The following ASH1L variants were observed in gnomAD, a reference collection of about 807,000 sequenced individuals.
The protein encoded by ASH1L is histone-lysine N-methyltransferase ASH1L.
Under a neutral mutation model 269.0 loss-of-function variants are expected in ASH1L, and 23 were observed. That is an observed-to-expected ratio of 0.09 (90% confidence interval 0.06 to 0.12). The LOEUF is 0.12. Ranked by LOEUF, ASH1L falls within the 10% of genes least tolerant of loss-of-function variation. ASH1L has a pLI of 1.00. For synonymous variants in ASH1L, 1,187 were observed against 1,253.5 expected (o/e 0.95, Z 1.12); for missense variants, 2,912 against 3,567.8 (o/e 0.82, Z 4.68).
chr1:155,508,775 G>A (rs907435180), intron 2 of ASH1L, among the ~76,000 whole-genome samples: 6 of 152,092 alleles, frequency 3.9e-5, no homozygotes, highest in African/African-American at 1.2e-4. Flanking sequence ...CATAAAATAC[G>A]TTTCTTACAC....
intron 3 of ASH1L, among the ~76,000 whole-genome samples, chr1:155,465,947 C>G (rs1047898224): frequency 6.6e-6 from 1 of 152,168 alleles, no homozygotes; most frequent in Non-Finnish European, 1.5e-5. Flanking sequence ...ACAATAAAAA[C>G]AGCTGTTTTC....
At chr1:155,498,830 G>A (rs967775709) in intron 2 of ASH1L, among the ~76,000 whole-genome samples, 1 of 151,170 alleles carries the variant, frequency 6.6e-6, no homozygotes, top group South Asian at 2.1e-4. Context: ...CAGCCACTGC[G>A]CCTGGCCCAG....
intron 4 of ASH1L, chr1:155,440,569 T>C: frequency 1.1e-6 from 1 of 947,246 alleles, no homozygotes; most frequent in Non-Finnish European, 1.3e-6. Flanking sequence ...GACTTCTAAA[T>C]ATTCATACCA....
chr1:155,436,281 T>G (rs1662085120), intron 5 of ASH1L, among the ~76,000 whole-genome samples: 1 of 151,160 alleles, frequency 6.6e-6, no homozygotes, highest in South Asian at 2.1e-4. Flanking sequence ...CCTCTCCACC[T>G]CCCGTGTTCA....
At chr1:155,536,108 A>G (rs1194592051) in intron 1 of ASH1L, among the ~76,000 whole-genome samples, 1 of 152,220 alleles carries the variant, frequency 6.6e-6, no homozygotes, top group Non-Finnish European at 1.5e-5. Context: ...TTCTTAGGAT[A>G]TATCAAACTA....
intron 5 of ASH1L, among the ~76,000 whole-genome samples, chr1:155,418,419 TGAA>T (rs946327873): frequency 6.6e-6 from 1 of 152,044 alleles, no homozygotes; most frequent in Non-Finnish European, 1.5e-5. Flanking sequence ...TCAGTGAACT[TGAA>T]GACAGCAATA....
intron 10 of ASH1L, among the ~76,000 whole-genome samples, chr1:155,371,778 C>CCG (rs911330782): frequency 4.0e-5 from 6 of 150,858 alleles, no homozygotes; most frequent in African/African-American, 1.5e-4. Flanking sequence ...ACTGCAAACT[C>CCG]CGCTTCCCAG....
chr1:155,540,493 G>C (rs1269904549), intron 1 of ASH1L, among the ~76,000 whole-genome samples: 1 of 152,088 alleles, frequency 6.6e-6, no homozygotes, highest in Non-Finnish European at 1.5e-5. Context: ...CACTCAGCTG[G>C]GTGCAGTTAC....
chr1:155,545,280 A>G (rs532536076), intron 1 of ASH1L, among the ~76,000 whole-genome samples: 16 of 147,400 alleles, frequency 1.1e-4, no homozygotes, highest in African/African-American at 3.9e-4. Flanking sequence ...GTAAATGGGC[A>G]CTAGTGGCCA....
At chr1:155,528,186 C>T (rs1669407237) in intron 1 of ASH1L, among the ~76,000 whole-genome samples, 1 of 152,124 alleles carries the variant, frequency 6.6e-6, no homozygotes, top group South Asian at 2.1e-4. Context: ...TTCATCTTTG[C>T]CCACTGCCCC....
chr1:155,442,344 T>C (rs1187765147), intron 4 of ASH1L, among the ~76,000 whole-genome samples: 1 of 151,474 alleles, frequency 6.6e-6, no homozygotes, highest in African/African-American at 2.4e-5. Flanking sequence ...TCCCAGCACT[T>C]TGGGAGGCTG....
chr1:155,472,111 T>C (rs554931834), intron 3 of ASH1L, among the ~76,000 whole-genome samples: 1 of 152,204 alleles, frequency 6.6e-6, no homozygotes, highest in African/African-American at 2.4e-5. Flanking sequence ...GCCAATACAG[T>C]GAAACCCCGA....
chr1:155,529,138 T>C (rs191982677), intron 1 of ASH1L, among the ~76,000 whole-genome samples: 188 of 152,332 alleles, frequency 1.2e-3, no homozygotes, highest in African/African-American at 4.4e-3. Flanking sequence ...TCTTTGCTAT[T>C]GTGAATAGTG....
chr1:155,509,220 C>T (rs1377552401), intron 2 of ASH1L, among the ~76,000 whole-genome samples: 1 of 152,090 alleles, frequency 6.6e-6, no homozygotes, highest in Non-Finnish European at 1.5e-5. Flanking sequence ...TGGCTCACAC[C>T]TGTAATCCTA....
chr1:155,540,144 A>C (rs1670331347), intron 1 of ASH1L, among the ~76,000 whole-genome samples: 1 of 152,140 alleles, frequency 6.6e-6, no homozygotes, highest in South Asian at 2.1e-4. Flanking sequence ...CTTCATATAT[A>C]AAAGTCCCTA....
chr1:155,337,193 C>T lies in ASH1L; in HGVS notation c.*467G>A, dbSNP rs958327508. 1 of 152,944 alleles carries T rather than the reference C, an allele frequency of 6.5e-6. No homozygotes were observed. The highest frequency in any genetic ancestry group is 1.5e-5 in the Non-Finnish European group (1 of 68,576). 9.5% of individuals were successfully genotyped at this position (152,944 alleles called of 1,614,324 possible). A position where few individuals can be genotyped will look rare whatever the true frequency, so the allele number is the denominator to read the frequency against. On this transcript the variant is annotated 3_prime_UTR_variant, in exon 28 of 28. Coordinates refer to ENST00000392403, the MANE Select transcript of ASH1L (RefSeq NM_018489.3). ...CTCAGCTACTGTTTCTGTTTAAGGT[C>T]TCTGGGGTAGCTCTTGGAGCCAACA...
chr1:155,521,331 A>C lies in ASH1L; in HGVS notation c.189T>G (p.Asp63Glu). 2 of 1,614,094 alleles carry C rather than the reference A, an allele frequency of 1.2e-6. No individual in the cohort carries two copies. The highest frequency in any genetic ancestry group is 1.6e-4 in the Middle Eastern group (1 of 6,062). The change falls in exon 2 of 28, where the codon GAT becomes GAG. Residue 63 changes from aspartate (D) to glutamate (E), a missense_variant. Physicochemically the swap from Asp to Glu is conservative, Grantham distance 45. Transcript: ENST00000392403. ...NRERNIEAGKDDGLTDAQQQF... is the reference protein window; with the variant it reads ...NRERNIEAGKEDGLTDAQQQF... ...GTTGCTGTGCATCAGTCAAACCATC[A>C]TCTTTCCCAGCTTCGATGTTTCTTT...
intron 4 of ASH1L, among the ~76,000 whole-genome samples, chr1:155,454,486 G>C (rs1222747535): frequency 6.6e-6 from 1 of 152,158 alleles, no homozygotes; most frequent in Non-Finnish European, 1.5e-5. Flanking sequence ...ATACTATACA[G>C]GTCAGGAGTG....
intron 12 of ASH1L, 141 bp downstream of exon 12, chr1:155,370,363 C>G (rs1164879058): frequency 9.9e-7 from 1 of 1,013,678 alleles, no homozygotes; most frequent in Non-Finnish European, 1.5e-6. Flanking sequence ...AAGCAGCTTA[C>G]TCTGCCCGTG....
Sources: allele counts gnomAD v4.1 joint callset (sites outside exome capture counted in the v4.1 genomes callset), GRCh38; gene constraint gnomAD v4.1.1; transcripts MANE v1.5; gene names NCBI Gene and HGNC (gene_info 2026-07-23, HGNC 2026-07-21).